The following SGCD variants were observed in gnomAD, a reference collection of about 807,000 sequenced individuals.
The protein encoded by SGCD is delta-sarcoglycan.
In SGCD, 18 loss-of-function variants were observed where a neutral mutation model predicts 36.6. The ratio of observed to expected loss-of-function variants is 0.49; its 90% CI spans 0.34 to 0.73. The LOEUF is 0.73. SGCD is among the 30% of genes least tolerant of loss of function. The probability of loss-of-function intolerance (pLI) is 0.01; values close to 1 mark genes in which losing one functional copy is unlikely to be tolerated. For synonymous variants in SGCD, 133 were observed against 130.6 expected (o/e 1.02, Z -0.12); for missense variants, 387 against 346.7 (o/e 1.12, Z -0.92).
chr5:156,450,390 C>G (rs1055417162), intron 3 of SGCD, among the ~76,000 whole-genome samples: 1 of 151,940 alleles, frequency 6.6e-6, no homozygotes, highest in Non-Finnish European at 1.5e-5. Flanking sequence ...CTTAAGGAGA[C>G]AGTAAAGCTG....
At chr5:156,293,868 A>C (rs1766825596) in intron 3 of SGCD, among the ~76,000 whole-genome samples, 1 of 152,202 alleles carries the variant, frequency 6.6e-6, no homozygotes, top group Admixed American at 6.6e-5. Context: ...GAAAAGAAAA[A>C]GATATTCTTG....
At chr5:156,251,637 C>G (rs1435316833) in intron 3 of SGCD, among the ~76,000 whole-genome samples, 4 of 151,976 alleles carry the variant, frequency 2.6e-5, no homozygotes, top group Admixed American at 2.0e-4. Flanking sequence ...GCCTCAGCCT[C>G]CCCAGTAGCT....
chr5:156,328,280 G>T (rs1580825497), intron 1 of SGCD, among the ~76,000 whole-genome samples: 2 of 152,338 alleles, frequency 1.3e-5, no homozygotes, highest in East Asian at 1.9e-4. Context: ...GCCCAAAGCC[G>T]AGCTAAACCT....
At chr5:156,392,387 G>A (rs1580918954) in intron 3 of SGCD, among the ~76,000 whole-genome samples, 3 of 152,166 alleles carry the variant, frequency 2.0e-5, no homozygotes, top group South Asian at 2.1e-4. Context: ...CTCTTAGGAC[G>A]TTCCATGAGG....
At chr5:156,232,224 G>A (rs1765036989) in intron 3 of SGCD, among the ~76,000 whole-genome samples, 1 of 152,164 alleles carries the variant, frequency 6.6e-6, no homozygotes, top group Non-Finnish European at 1.5e-5. Flanking sequence ...TAGCTTAAGT[G>A]TTTATGATTT....
chr5:155,895,234 C>G (rs184263197), intron 1 of SGCD, among the ~76,000 whole-genome samples: 1 of 152,356 alleles, frequency 6.6e-6, no homozygotes, highest in Admixed American at 6.5e-5. Flanking sequence ...AAGATTGACA[C>G]TTTGGGTTCA....
intron 6 of SGCD, among the ~76,000 whole-genome samples, chr5:156,605,319 C>A (rs1023172948): frequency 6.6e-6 from 1 of 152,026 alleles, no homozygotes; most frequent in South Asian, 2.1e-4. Flanking sequence ...TTTGTCCTTG[C>A]AATAGTTTGC....
intron 3 of SGCD, among the ~76,000 whole-genome samples, chr5:156,269,569 C>T (rs1434502447): frequency 6.7e-6 from 1 of 149,476 alleles, no homozygotes; most frequent in Non-Finnish European, 1.5e-5. Context: ...AAGGCTGGCC[C>T]CTATGATTCA....
In SGCD at chr5:156,290,726, T is replaced by G. The variant is rs1325074142; in HGVS notation, c.-43-38808T>G. 2.0e-5 allele frequency among the ~76,000 whole-genome samples: 3 copies of G among 152,310 alleles called. No homozygotes were observed. In the East Asian group the frequency reaches 5.8e-4, roughly 29 times the overall value. On this transcript the variant is annotated intron_variant, in intron 3 of 9. Coordinates refer to the SGCD transcript ENST00000517913. ...TCACTGGTTTGATAGGTATACCTCT[T>G]CTCTATCCATATGATTTACCCTCTC...
At position 156,315,732 on chromosome 5, in the gene SGCD, T is replaced by C. The variant is rs1405233491; in HGVS notation, c.-43-13802T>C. Among the ~76,000 whole-genome samples, 4 of 152,018 alleles carry C rather than the reference T, an allele frequency of 2.6e-5. No homozygotes were observed. In the East Asian group the frequency reaches 7.7e-4, roughly 29 times the overall value. The stretch of plus-strand genomic sequence containing the variant: ...CTTGCCAATGCATATATATATTTTT[T>C]GTCTTTTTGATAGTAGCCATCCTAA... On this transcript the variant is annotated intron_variant, in intron 3 of 9. Transcript: ENST00000517913.
chr5:156,503,976 G>T (rs980792314), intron 3 of SGCD, among the ~76,000 whole-genome samples: 1 of 152,078 alleles, frequency 6.6e-6, no homozygotes, highest in African/African-American at 2.4e-5. Flanking sequence ...GGCTGAGGCA[G>T]GTGGATCACC....
At chr5:156,534,215 G>A (rs1157958813) in intron 4 of SGCD, among the ~76,000 whole-genome samples, 1 of 144,316 alleles carries the variant, frequency 6.9e-6, no homozygotes, top group African/African-American at 2.6e-5. Flanking sequence ...TGAAGAAATT[G>A]TCTGGTCCTA....
At position 156,764,704 on chromosome 5, in the gene SGCD, C is replaced by CTTAT. The variant is rs919621217; in HGVS notation, c.*5317_*5320dup. 6.6e-5 allele frequency: 10 copies of CTTAT among 152,204 alleles called. No individual in the cohort carries two copies. Among genetic ancestry groups the CTTAT allele is most frequent in the African/African-American group, 2.2e-4 (9 of 41,544 alleles). 9.4% of individuals were successfully genotyped at this position (152,204 alleles called of 1,614,324 possible). A position where few individuals can be genotyped will look rare whatever the true frequency, so the allele number is the denominator to read the frequency against. On this transcript the variant is annotated 3_prime_UTR_variant, in exon 9 of 9. Transcript: ENST00000337851. ...GACAGAATAGGAGGAAATGAGCATCCTTATTTGAGAAAGAGCAAGAATGTC... is the reference window on the plus strand; with the variant it reads ...GACAGAATAGGAGGAAATGAGCATCCTTATTTATTTGAGAAAGAGCAAGAATGTC...
chr5:156,360,582 A>G (rs1378543855), intron 3 of SGCD, among the ~76,000 whole-genome samples: 1 of 151,952 alleles, frequency 6.6e-6, no homozygotes, highest in Non-Finnish European at 1.5e-5. Context: ...CTTCACTTTA[A>G]CCTTTATTGC....
intron 3 of SGCD, among the ~76,000 whole-genome samples, chr5:156,231,765 C>T (rs573289138): frequency 1.7e-4 from 26 of 152,250 alleles, no homozygotes; most frequent in African/African-American, 5.5e-4. Flanking sequence ...CTGTAGACTT[C>T]GTTTTCTTTG....
chr5:156,529,589 A>T lies in SGCD; in HGVS notation c.294+20887A>T, dbSNP rs1006514581. Among the ~76,000 whole-genome samples, 4 of 152,000 alleles carry T rather than the reference A, an allele frequency of 2.6e-5. 1 individual carries two copies. The highest frequency in any genetic ancestry group is 2.6e-4 in the Admixed American group (4 of 15,248). On this transcript the variant is annotated intron_variant, in intron 4 of 8. Coordinates refer to ENST00000337851, the MANE Select transcript of SGCD (RefSeq NM_000337.6). Reference sequence around the variant, plus strand: ...ATCAAAACAGATTCATCTTCTGGCAACTCTGGCTGTACCCAGTGCTCTGTC... The same window carrying T: ...ATCAAAACAGATTCATCTTCTGGCATCTCTGGCTGTACCCAGTGCTCTGTC...
intron 7 of SGCD, among the ~76,000 whole-genome samples, chr5:156,669,822 T>C (rs1753213568): frequency 6.6e-6 from 1 of 152,200 alleles, no homozygotes; most frequent in Non-Finnish European, 1.5e-5. Context: ...CTGTGATCCA[T>C]AACTGATGCT....
chr5:156,254,727 G>A (rs1765671195), intron 3 of SGCD, among the ~76,000 whole-genome samples: 1 of 152,032 alleles, frequency 6.6e-6, no homozygotes, highest in Non-Finnish European at 1.5e-5. Context: ...TATGCCTGTG[G>A]CCCAAGCTAC....
chr5:155,794,570 A>G, the SGCD span, among the ~76,000 whole-genome samples: 1 of 152,030 alleles, frequency 6.6e-6, no homozygotes, highest in Non-Finnish European at 1.5e-5. Flanking sequence ...ATAAAATTGA[A>G]TACAGCCGTA....
Sources: allele counts gnomAD v4.1 joint callset (sites outside exome capture counted in the v4.1 genomes callset), GRCh38; gene constraint gnomAD v4.1.1; transcripts MANE v1.5; gene names NCBI Gene and HGNC (gene_info 2026-07-23, HGNC 2026-07-21).